The following JAK2 variants were observed in gnomAD, a reference collection of about 807,000 sequenced individuals.
JAK2 encodes tyrosine-protein kinase JAK2.
Under a neutral mutation model 139.3 loss-of-function variants are expected in JAK2, and 86 were observed. The ratio of observed to expected loss-of-function variants is 0.62; its 90% CI spans 0.52 to 0.74. JAK2 has a LOEUF of 0.74. JAK2 is among the 30% of genes least tolerant of loss of function. JAK2 has a pLI of 0.00. For missense variants in JAK2, 1,421 were observed against 1,360.3 expected, an observed-to-expected ratio of 1.04 and a Z score of -0.70; for synonymous variants, 490 against 437.7, an observed-to-expected ratio of 1.12 and a Z score of -1.49.
At chr9:5,114,363 G>C (rs1409384684) in intron 22 of JAK2, 1 of 532,664 alleles carries the variant, frequency 1.9e-6, no homozygotes, top group Non-Finnish European at 3.7e-6. Context: ...GCAGTGCAAT[G>C]GCACGTTCAC....
chr9:5,004,321 T>A (rs1476128208), intron 2 of JAK2, among the ~76,000 whole-genome samples: 1 of 152,220 alleles, frequency 6.6e-6, no homozygotes, highest in East Asian at 1.9e-4. Context: ...ACTGCTGTTC[T>A]ACTTACTCTC....
intron 8 of JAK2, among the ~76,000 whole-genome samples, chr9:5,062,172 C>G (rs72701607): frequency 6.6e-6 from 1 of 151,976 alleles, no homozygotes; most frequent in Non-Finnish European, 1.5e-5. Context: ...ATAGTATTCA[C>G]AGGATGCAAA....
intron 2 of JAK2, among the ~76,000 whole-genome samples, chr9:4,999,672 G>A (rs1820812769): frequency 6.6e-6 from 1 of 152,116 alleles, no homozygotes. Flanking sequence ...TTCAAGGGCA[G>A]GAAGCGTCTT....
At chr9:5,032,992 C>A (rs893627228) in intron 4 of JAK2, among the ~76,000 whole-genome samples, 7 of 151,994 alleles carry the variant, frequency 4.6e-5, no homozygotes, top group Non-Finnish European at 8.8e-5. Flanking sequence ...AAGTTAAAAA[C>A]CTTGAAAAAA....
Position 4,998,747 on chromosome 9 carries a change from A to C in JAK2, c.-26+12725A>C, listed in dbSNP as rs191186876. Among the ~76,000 whole-genome samples, 1,420 of 152,074 alleles carry C rather than the reference A, an allele frequency of 9.3e-3. 7 individuals are homozygous for C. Among genetic ancestry groups the C allele is most frequent in the Admixed American group, 0.015 (227 of 15,300 alleles). ...GACCAAAAACCACAAAAAACAAAAA[A>C]AAAAACAACAAAAAACCAAAACCAG... On this transcript the variant is annotated intron_variant, in intron 2 of 24. Transcript: ENST00000381652.
chr9:5,085,134 C>G (rs1217307490), intron 19 of JAK2: 2 of 647,528 alleles, frequency 3.1e-6, no homozygotes, highest in Non-Finnish European at 6.0e-6. Flanking sequence ...CACCATCACT[C>G]TGTAATACAT....
intron 2 of JAK2, among the ~76,000 whole-genome samples, chr9:5,010,989 T>G (rs1187841873): frequency 1.3e-5 from 2 of 152,216 alleles, no homozygotes; most frequent in Non-Finnish European, 2.9e-5. Context: ...TGAAGCGATG[T>G]CAGTTCTATT....
At chr9:5,065,534 T>C (rs114167276) in intron 9 of JAK2, among the ~76,000 whole-genome samples, 2,538 of 152,328 alleles carry the variant, frequency 0.017, 67 homozygotes, top group African/African-American at 0.057. Context: ...CAGCAGCCAC[T>C]AGCTACATGT....
chr9:5,094,089 T>C (rs566471330), intron 22 of JAK2: 3 of 152,308 alleles, frequency 2.0e-5, no homozygotes, highest in African/African-American at 7.2e-5. Flanking sequence ...TCAACTCCCC[T>C]TCTTAACAAT....
intron 2 of JAK2, among the ~76,000 whole-genome samples, chr9:5,014,543 C>T (rs182702443): frequency 6.6e-6 from 1 of 152,250 alleles, no homozygotes; most frequent in Admixed American, 6.5e-5. Context: ...ATCAGAACAG[C>T]TGTGGCCACT....
At chr9:4,984,549 G>C (rs1887429), upstream of JAK2, 1 of 152,254 alleles carries the variant, frequency 6.6e-6, no homozygotes, top group Admixed American at 6.5e-5. Context: ...GCTCTCGAGG[G>C]CGCATTGCCA....
chr9:5,076,740 C>T (rs1222641052), intron 14 of JAK2, among the ~76,000 whole-genome samples: 1 of 151,150 alleles, frequency 6.6e-6, no homozygotes, highest in African/African-American at 2.4e-5. Context: ...CCCTATTTTC[C>T]ACTAGTAATG....
chr9:5,039,814 A>G (rs562111367), intron 4 of JAK2, among the ~76,000 whole-genome samples: 18 of 152,296 alleles, frequency 1.2e-4, no homozygotes, highest in Admixed American at 3.3e-4. Context: ...TCATTGAAAG[A>G]AATTAAGGAA....
At chr9:5,000,040 T>A (rs995870321) in intron 2 of JAK2, among the ~76,000 whole-genome samples, 3 of 152,222 alleles carry the variant, frequency 2.0e-5, no homozygotes, top group Non-Finnish European at 4.4e-5. Context: ...TTCTTAATTA[T>A]GTTGACCATG....
At chr9:5,113,446 A>C (rs913645804) in intron 22 of JAK2, 2 of 148,676 alleles carry the variant, frequency 1.3e-5, no homozygotes, top group South Asian at 2.1e-4. Context: ...AAAAAAAAAA[A>C]AAACCCGGAC....
At chr9:5,079,261 A>C (rs982904287) in intron 16 of JAK2, among the ~76,000 whole-genome samples, 8 of 150,366 alleles carry the variant, frequency 5.3e-5, no homozygotes, top group African/African-American at 2.0e-4. Flanking sequence ...TCATATGGTG[A>C]AGGTATTTGT....
chr9:4,984,442 G>A (rs1311418220), upstream of JAK2: 1 of 152,274 alleles, frequency 6.6e-6, no homozygotes, highest in African/African-American at 2.4e-5. Flanking sequence ...TCTCCTCTAG[G>A]AGAAACATTC....
intron 22 of JAK2, chr9:5,098,403 C>G (rs1259790160): frequency 1.3e-5 from 2 of 152,194 alleles, no homozygotes; most frequent in Non-Finnish European, 2.9e-5. Flanking sequence ...AAGAACCGCT[C>G]ACTTTCCGTG....
At chr9:4,992,198 T>A (rs942822652) in intron 2 of JAK2, among the ~76,000 whole-genome samples, 5 of 152,188 alleles carry the variant, frequency 3.3e-5, no homozygotes, top group African/African-American at 1.2e-4. Context: ...TTGACTGGGA[T>A]GTTAGCTGGG....
Sources: gnomAD v4.1 joint callset for allele counts (sites outside exome capture counted in the v4.1 genomes callset) on GRCh38, gnomAD v4.1.1 for gene constraint, MANE v1.5 for transcripts, NCBI Gene and HGNC (gene_info 2026-07-23, HGNC 2026-07-21) for gene names.